Variants in UBIAD1 observed in about 807,000 individuals in gnomAD.
UBIAD1 encodes the protein ubiA prenyltransferase domain-containing protein 1.
In UBIAD1, 12 loss-of-function variants were observed where a neutral mutation model predicts 20.1. That is an observed-to-expected ratio of 0.60 (90% CI 0.38 to 0.97). The LOEUF (loss-of-function observed/expected upper bound fraction) is 0.97. UBIAD1 is among the 50% of genes least tolerant of loss of function. The probability of loss-of-function intolerance (pLI) is 0.00; values close to 1 mark genes in which losing one functional copy is unlikely to be tolerated. For synonymous variants in UBIAD1, 207 were observed against 189.2 expected (o/e 1.09, Z -0.77); for missense variants, 333 against 419.5 (o/e 0.79, Z 1.80).
At chr1:11,282,125 C>T (rs775325440) in intron 1 of UBIAD1, among the ~76,000 whole-genome samples, 1 of 152,114 alleles carries the variant, frequency 6.6e-6, no homozygotes, top group African/African-American at 2.4e-5. Context: ...ATTGCTGGGT[C>T]ACAGGGCAGA....
intron 1 of UBIAD1, among the ~76,000 whole-genome samples, chr1:11,282,558 C>CTTTTT (rs34509238): frequency 4.7e-5 from 6 of 128,098 alleles, no homozygotes; most frequent in African/African-American, 9.0e-5. Context: ...GCTTACATCA[C>CTTTTT]TTTTTTTTTT....
At position 11,286,179 on chromosome 1, in the gene UBIAD1, A is replaced by C. The variant is rs368504935; in HGVS notation, c.*48A>C. 5.0e-5 allele frequency: 80 copies of C among 1,612,524 alleles called. 1 individual carries two copies. In the South Asian group the frequency reaches 8.6e-4, roughly 17 times the overall value. On this transcript the variant is annotated 3_prime_UTR_variant, in exon 2 of 2. Transcript: ENST00000376810. ...GACATGTCTCCCTTTCTTAGAATAT[A>C]TTAAAGTCAGAGTCTCTGAGGAAGG...
intron 1 of UBIAD1, among the ~76,000 whole-genome samples, chr1:11,274,292 ATTTATTTTTT>A (rs1273132190): frequency 2.0e-5 from 3 of 152,270 alleles, no homozygotes; most frequent in African/African-American, 7.2e-5. Context: ...ATTTATTTTT[ATTTATTTTTT>A]ATGTATTCAT....
At chr1:11,297,382 G>A (rs140896459), downstream of UBIAD1, among the ~76,000 whole-genome samples, 212 of 152,264 alleles carry the variant, frequency 1.4e-3, 3 homozygotes, top group African/African-American at 4.8e-3. Context: ...AACCAAATCT[G>A]CCTTGGTTTT....
intron 1 of UBIAD1, among the ~76,000 whole-genome samples, chr1:11,274,910 T>C (rs1169178339): frequency 2.0e-5 from 3 of 152,192 alleles, no homozygotes; most frequent in African/African-American, 4.8e-5. Flanking sequence ...GCCCGGCCTA[T>C]ATGGACATTT....
intron 1 of UBIAD1, among the ~76,000 whole-genome samples, chr1:11,294,482 A>T (rs896834509): frequency 1.3e-5 from 2 of 152,128 alleles, no homozygotes; most frequent in Non-Finnish European, 2.9e-5. Context: ...CTTGCCCTGC[A>T]GTTCCTTGCT....
chr1:11,290,968 TAAAC>T (rs1335270120), downstream of UBIAD1, among the ~76,000 whole-genome samples: 1 of 151,964 alleles, frequency 6.6e-6, no homozygotes, highest in Non-Finnish European at 1.5e-5. Flanking sequence ...GTCTCCTAAA[TAAAC>T]AAATAAATAA....
At chr1:11,276,440 G>A (rs1001066054) in intron 1 of UBIAD1, among the ~76,000 whole-genome samples, 4 of 152,078 alleles carry the variant, frequency 2.6e-5, no homozygotes, top group African/African-American at 4.8e-5. Context: ...AAGGCAAGTG[G>A]ATCACTTGAG....
chr1:11,277,183 A>G (rs1652064646), intron 1 of UBIAD1, among the ~76,000 whole-genome samples: 1 of 152,122 alleles, frequency 6.6e-6, no homozygotes, highest in East Asian at 1.9e-4. Flanking sequence ...GTGAGCCAAG[A>G]TCTCATCACT....
At chr1:11,274,601 C>T (rs1651935639) in intron 1 of UBIAD1, among the ~76,000 whole-genome samples, 2 of 145,168 alleles carry the variant, frequency 1.4e-5, no homozygotes, top group African/African-American at 5.1e-5. Context: ...CCTGTCAGGA[C>T]ATTTTTTAAT....
downstream of UBIAD1, among the ~76,000 whole-genome samples, chr1:11,297,967 G>GTTT (rs563239405): frequency 1.4e-5 from 2 of 147,926 alleles, no homozygotes; most frequent in African/African-American, 4.9e-5. Flanking sequence ...TTGTTTTTTT[G>GTTT]TTTTTTTTTT....
chr1:11,295,269 T>G, downstream of UBIAD1: 1 of 266,714 alleles, frequency 3.7e-6, no homozygotes. Context: ...GAGGTGACTG[T>G]TCCATGGAAA....
chr1:11,282,570 T>C (rs891101113), intron 1 of UBIAD1, among the ~76,000 whole-genome samples: 8 of 151,666 alleles, frequency 5.3e-5, no homozygotes, highest in Non-Finnish European at 7.4e-5. Flanking sequence ...TTTTTTTTTT[T>C]TTTTTTTCAA....
At chr1:11,275,062 T>C (rs904643726) in intron 1 of UBIAD1, among the ~76,000 whole-genome samples, 6 of 152,214 alleles carry the variant, frequency 3.9e-5, no homozygotes, top group Non-Finnish European at 8.8e-5. Flanking sequence ...AAGAGGCTGA[T>C]TAAGGTAGTG....
At chr1:11,281,516 GAGT>G (rs1173560564) in intron 1 of UBIAD1, among the ~76,000 whole-genome samples, 1 of 152,198 alleles carries the variant, frequency 6.6e-6, no homozygotes, top group Non-Finnish European at 1.5e-5. Flanking sequence ...ATACTGAGCA[GAGT>G]AGTGACATAA....
chr1:11,297,555 A>G (rs1251657250), downstream of UBIAD1, among the ~76,000 whole-genome samples: 2 of 152,246 alleles, frequency 1.3e-5, no homozygotes, highest in African/African-American at 4.8e-5. Flanking sequence ...GATAAGTTCC[A>G]TGCAGAAACC....
chr1:11,273,948 C>T lies in UBIAD1; in HGVS notation c.417C>T (p.Tyr139=), dbSNP rs377764711. The T allele has an allele frequency of 5.6e-5, 90 of 1,614,254 alleles. No homozygotes were observed. Among genetic ancestry groups the T allele is most frequent in the Middle Eastern group, 3.3e-4 (2 of 6,062 alleles). The stretch of plus-strand genomic sequence containing the variant: ...TCGTCCGGTTCGGAGTCTTCCTCTA[C>T]ACGTTGGGCTGCGTCTGTGCCGCTT... ...QDVVRFGVFL[Y]TLGCVCAACL... The change falls in exon 1 of 2, where the codon TAC becomes TAT. Residue 139 remains tyrosine (Y), a synonymous_variant. Transcript: ENST00000376810. The surrounding 1 kb of genome is among the most constrained non-coding windows in gnomAD (Gnocchi z 4.9).
chr1:11,275,194 CAG>C (rs774647499), intron 1 of UBIAD1, among the ~76,000 whole-genome samples: 11 of 151,934 alleles, frequency 7.2e-5, no homozygotes, highest in Non-Finnish European at 1.6e-4. Flanking sequence ...TGAAAAGAGA[CAG>C]AAAGTAAAAA....
chr1:11,277,728 A>G (rs1652099001), intron 1 of UBIAD1, among the ~76,000 whole-genome samples: 1 of 151,534 alleles, frequency 6.6e-6, no homozygotes, highest in African/African-American at 2.4e-5. Context: ...GCTCACCACA[A>G]CCTCCACCTC....
Sources: allele counts gnomAD v4.1 joint callset (sites outside exome capture counted in the v4.1 genomes callset), GRCh38; gene constraint gnomAD v4.1.1; non-coding constraint Gnocchi (gnomAD v3.1); transcripts MANE v1.5; gene names NCBI Gene and HGNC (gene_info 2026-07-23, HGNC 2026-07-21).